ZDHHC20: variants seen among roughly 807,000 people sequenced by gnomAD.
ZDHHC20 encodes zDHHC palmitoyltransferase 20.
ZDHHC20 carries 43 observed loss-of-function variants against 57.8 expected under a neutral mutation model. That is an observed-to-expected ratio of 0.74 (90% CI 0.58 to 0.96). ZDHHC20 has a LOEUF of 0.96. ZDHHC20 is among the 40% of genes least tolerant of loss of function. ZDHHC20 has a pLI of 0.00. For missense variants in ZDHHC20, 391 were observed against 441.1 expected, an observed-to-expected ratio of 0.89 and a Z score of 1.02; for synonymous variants, 157 against 153.0, an observed-to-expected ratio of 1.03 and a Z score of -0.19.
rs575180506 is a variant in ZDHHC20 at position 21,427,789 on chromosome 13, T to C, written c.119-2111A>G. On this transcript the variant is annotated intron_variant, in intron 1 of 12. Coordinates refer to ENST00000400590, the MANE Select transcript of ZDHHC20 (RefSeq NM_001330059.2). ...GGCAGAGGTTGCAGTGAGCCAAGAC[T>C]GCACCACTGCACTCCAGCCTGGACA... Among the ~76,000 whole-genome samples the C allele has an allele frequency of 1.4e-4, 19 of 136,996 alleles. No individual in the cohort carries two copies. In the South Asian group the frequency reaches 4.5e-3, roughly 33 times the overall value. 89.9% of individuals were successfully genotyped at this position (136,996 alleles called of 152,430 possible).
intron 3 of ZDHHC20, among the ~76,000 whole-genome samples, 200 bp from the exon 4 acceptor site, chr13:21,413,972 C>A (rs1879581198): frequency 6.6e-6 from 1 of 152,214 alleles, no homozygotes; most frequent in Non-Finnish European, 1.5e-5. Context: ...ATTTGCCCTC[C>A]ACACCAGATG....
At chr13:21,443,525 T>C (rs1406252444) in intron 1 of ZDHHC20, among the ~76,000 whole-genome samples, 1 of 152,212 alleles carries the variant, frequency 6.6e-6, no homozygotes, top group Non-Finnish European at 1.5e-5. Flanking sequence ...AGCTATGCCA[T>C]AGGCCCAGGT....
At chr13:21,403,225 A>G (rs1373007333) in intron 4 of ZDHHC20, among the ~76,000 whole-genome samples, 2 of 152,140 alleles carry the variant, frequency 1.3e-5, no homozygotes, top group African/African-American at 2.4e-5. Flanking sequence ...CAATGCCTAC[A>G]GTAATATCAA....
At chr13:21,443,010 T>G (rs953143490) in intron 1 of ZDHHC20, among the ~76,000 whole-genome samples, 2 of 152,226 alleles carry the variant, frequency 1.3e-5, no homozygotes, top group Non-Finnish European at 2.9e-5. Context: ...AAGGGCTTGC[T>G]TAATTTCTTA....
At chr13:21,420,323 TAACTGAATAAACCTCACAATCTTTACA>T (rs1483928433) in intron 3 of ZDHHC20, among the ~76,000 whole-genome samples, 1 of 152,152 alleles carries the variant, frequency 6.6e-6, no homozygotes, top group Non-Finnish European at 1.5e-5. Flanking sequence ...ATGCATGTTT[TAACTGAATAAACCTCACAATCTTTACA>T]AACATCCTAC....
At position 21,459,051 on chromosome 13, in the gene ZDHHC20, C is replaced by A; in HGVS notation, c.118+3G>T. The A allele has an allele frequency of 6.3e-7, 1 of 1,592,418 alleles. No homozygotes were observed. On this transcript the variant is annotated splice_donor_region_variant and intron_variant, in intron 1 of 12. Coordinates refer to ENST00000400590, the MANE Select transcript of ZDHHC20 (RefSeq NM_001330059.2). ...CGCCGCAGTCCCCGGGGACGGTACT[C>A]ACACACGCAGAGCTCCACCACGTAC...
chr13:21,434,909 G>A (rs1882387208), intron 1 of ZDHHC20, among the ~76,000 whole-genome samples: 1 of 152,010 alleles, frequency 6.6e-6, no homozygotes, highest in South Asian at 2.1e-4. Context: ...AAATAACCTT[G>A]TGCATGTGTT....
chr13:21,454,963 C>G (rs966428758), intron 1 of ZDHHC20, among the ~76,000 whole-genome samples: 3 of 152,172 alleles, frequency 2.0e-5, no homozygotes, highest in African/African-American at 7.2e-5. Context: ...CTCTGTCGCC[C>G]AGGCTGGAGT....
chr13:21,423,542 T>C (rs1880890056), intron 2 of ZDHHC20, among the ~76,000 whole-genome samples: 1 of 151,992 alleles, frequency 6.6e-6, no homozygotes, highest in South Asian at 2.1e-4. Flanking sequence ...GGCGTAGTGG[T>C]GCACACTTGT....
At chr13:21,412,839 T>C (rs550687105) in intron 4 of ZDHHC20, among the ~76,000 whole-genome samples, 143 of 151,870 alleles carry the variant, frequency 9.4e-4, no homozygotes, top group African/African-American at 3.3e-3. Context: ...TTTGGTGGCA[T>C]GTGCCTGCAA....
At chr13:21,408,528 G>C (rs923952361) in intron 4 of ZDHHC20, among the ~76,000 whole-genome samples, 13 of 152,058 alleles carry the variant, frequency 8.5e-5, no homozygotes, top group African/African-American at 3.1e-4. Flanking sequence ...GGGACGATGG[G>C]GTTTTCTAAA....
chr13:21,455,574 C>T (rs1370124270), intron 1 of ZDHHC20, among the ~76,000 whole-genome samples: 2 of 151,786 alleles, frequency 1.3e-5, no homozygotes, highest in African/African-American at 2.4e-5. Context: ...GTGAGATGGC[C>T]GTTTTACATG....
intron 4 of ZDHHC20, chr13:21,404,411 T>C (rs1878157039): frequency 2.2e-6 from 1 of 458,612 alleles, no homozygotes; most frequent in Non-Finnish European, 4.4e-6. Flanking sequence ...TTTTGGTTTT[T>C]GACAACCCTA....
intron 10 of ZDHHC20, 76 bp downstream of exon 10, chr13:21,382,844 A>T (rs1295160446): frequency 8.2e-7 from 1 of 1,217,360 alleles, no homozygotes; most frequent in Non-Finnish European, 1.2e-6. Context: ...GTATTTACTC[A>T]TAAGATGTAC....
intron 1 of ZDHHC20, among the ~76,000 whole-genome samples, chr13:21,446,242 G>C (rs1050564710): frequency 1.1e-4 from 17 of 152,188 alleles, no homozygotes; most frequent in Non-Finnish European, 2.2e-4. Flanking sequence ...GGAAGAATAT[G>C]CTGTAAGGGG....
intron 7 of ZDHHC20, among the ~76,000 whole-genome samples, chr13:21,396,567 TCACAC>T (rs1368840638): frequency 2.6e-5 from 4 of 152,286 alleles, no homozygotes; most frequent in Non-Finnish European, 5.9e-5. Context: ...GCATGGTGGC[TCACAC>T]CTATTATCCC....
intron 7 of ZDHHC20, among the ~76,000 whole-genome samples, chr13:21,398,280 C>G (rs1442438740): frequency 6.6e-6 from 1 of 151,906 alleles, no homozygotes; most frequent in Middle Eastern, 3.4e-3. Context: ...CTGGCTAACA[C>G]GGTGAAACCC....
chr13:21,416,203 C>CAA lies in ZDHHC20; in HGVS notation c.250-2433_250-2432dup, dbSNP rs55796229. 4.8e-3 allele frequency among the ~76,000 whole-genome samples: 341 copies of CAA among 71,696 alleles called. 4 individuals are homozygous for CAA. The highest frequency in any genetic ancestry group is 0.016 in the African/African-American group (312 of 19,618). The allele number at this position is 71,696 out of a possible 152,430, so 47.0% of individuals were successfully genotyped here. A position where few individuals can be genotyped will look rare whatever the true frequency, so the allele number is the denominator to read the frequency against. On this transcript the variant is annotated intron_variant, in intron 3 of 12. Transcript: ENST00000400590. ...CTGGTGACAGAGTGAGACTCCATCT[C>CAA]AAAAAAAAAAAAAAAAAAAAGAATG...
intron 1 of ZDHHC20, among the ~76,000 whole-genome samples, chr13:21,438,253 G>A (rs910640278): frequency 1.3e-5 from 2 of 152,182 alleles, no homozygotes; most frequent in African/African-American, 4.8e-5. Context: ...TGATTCCTCT[G>A]ATGGATCTAG....
Sources: allele counts gnomAD v4.1 joint callset (sites outside exome capture counted in the v4.1 genomes callset), GRCh38; gene constraint gnomAD v4.1.1; transcripts MANE v1.5; gene names NCBI Gene and HGNC (gene_info 2026-07-23, HGNC 2026-07-21).